LRRC37A2: variants seen among roughly 807,000 people sequenced by gnomAD.
LRRC37A2 encodes the protein leucine-rich repeat-containing protein 37A2.
A neutral mutation model predicts 68.8 loss-of-function variants in LRRC37A2; 9 were observed. That is an observed-to-expected ratio of 0.13 (90% CI 0.08 to 0.23). The LOEUF (loss-of-function observed/expected upper bound fraction) is 0.23. Among genes scored for constraint, LRRC37A2 ranks in the 10% least tolerant of loss-of-function variants. The pLI is 1.00. For missense variants in LRRC37A2, 168 were observed against 950.4 expected (o/e 0.18, Z 10.82); for synonymous variants, 63 against 367.6 (o/e 0.17, Z 9.48).
chr17:46,520,780 G>C lies in LRRC37A2; in HGVS notation c.2753+497G>C, dbSNP rs1222864698. On this transcript the variant is annotated intron_variant, in intron 4 of 14. Transcript: ENST00000576629. ...CACCAAAAAAAATTTCAAAAAGTTG[G>C]TTTAGTAGGATGAAAGGAACTAAAG... 1.6e-4 allele frequency among the ~76,000 whole-genome samples: 7 copies of C among 43,772 alleles called. 2 individuals are homozygous for C. In the East Asian group the frequency reaches 2.3e-3, roughly 14 times the overall value. 28.7% of individuals were successfully genotyped at this position (43,772 alleles called of 152,430 possible). A position where few individuals can be genotyped will look rare whatever the true frequency, so the allele number is the denominator to read the frequency against.
the LRRC37A2 span, among the ~76,000 whole-genome samples, chr17:46,944,111 C>G: frequency 2.2e-4 from 33 of 152,182 alleles, no homozygotes; most frequent in Non-Finnish European, 4.0e-4. Flanking sequence ...GGGAAGTATT[C>G]CAACCTCCTC....
chr17:46,989,849 C>T, the LRRC37A2 span, among the ~76,000 whole-genome samples: 135 of 152,360 alleles, frequency 8.9e-4, no homozygotes, highest in African/African-American at 3.1e-3. Context: ...CAGCCATCCT[C>T]GCCACGGTGC....
chr17:47,020,807 TAGG>T, the LRRC37A2 span, among the ~76,000 whole-genome samples: 3 of 59,156 alleles, frequency 5.1e-5, no homozygotes, highest in Non-Finnish European at 9.9e-5. Flanking sequence ...AAAAAAAAAA[TAGG>T]AGGGAAGAAA....
chr17:46,876,255 G>A, the LRRC37A2 span: 7 of 1,607,880 alleles, frequency 4.4e-6, no homozygotes, highest in African/African-American at 9.4e-5. Context: ...GCTGTGAAGA[G>A]TGGCCTCAGG....
chr17:46,786,941 C>CT, the LRRC37A2 span, among the ~76,000 whole-genome samples: 5,737 of 142,614 alleles, frequency 0.04, 362 homozygotes, highest in African/African-American at 0.14. Flanking sequence ...TTTCTTTTTT[C>CT]TTTTTTTTTT....
chr17:46,743,011 TTGC>T, the LRRC37A2 span, among the ~76,000 whole-genome samples: 1 of 152,280 alleles, frequency 6.6e-6, no homozygotes, highest in African/African-American at 2.4e-5. Context: ...TCCTCAGAAG[TTGC>T]TGCCTCTCCC....
chr17:46,922,981 C>A, the LRRC37A2 span: 11 of 608,456 alleles, frequency 1.8e-5, no homozygotes, highest in Non-Finnish European at 2.9e-5. Context: ...TGAAGCCGAG[C>A]CTGTGACTAC....
chr17:46,811,761 C>A, the LRRC37A2 span, among the ~76,000 whole-genome samples: 1 of 152,164 alleles, frequency 6.6e-6, no homozygotes, highest in Non-Finnish European at 1.5e-5. Context: ...TCGAGACCAG[C>A]CTGGCCAACA....
the LRRC37A2 span, chr17:46,966,872 G>T: frequency 4.9e-6 from 2 of 405,920 alleles, no homozygotes; most frequent in African/African-American, 4.1e-5. Context: ...TCTCTAAATG[G>T]CCATTATGCT....
chr17:46,953,072 GT>G, the LRRC37A2 span, among the ~76,000 whole-genome samples: 1 of 151,706 alleles, frequency 6.6e-6, no homozygotes, highest in Non-Finnish European at 1.5e-5. Context: ...TTTTACGTAA[GT>G]TTTAGGGTAC....
the LRRC37A2 span, among the ~76,000 whole-genome samples, chr17:46,765,508 G>C: frequency 6.6e-6 from 1 of 152,254 alleles, no homozygotes; most frequent in Non-Finnish European, 1.5e-5. Context: ...TCTCCTCACC[G>C]TGTGGAGGGC....
the LRRC37A2 span, among the ~76,000 whole-genome samples, chr17:46,621,323 G>A: frequency 1.4e-5 from 2 of 138,536 alleles, no homozygotes; most frequent in Non-Finnish European, 3.2e-5. Flanking sequence ...GTCTCGCTCT[G>A]TTGCCCAGAC....
the LRRC37A2 span, chr17:46,768,531 G>T: frequency 6.2e-7 from 1 of 1,614,194 alleles, no homozygotes; most frequent in Non-Finnish European, 8.5e-7. This position sits in a 1 kb window ranked among gnomAD's most constrained non-coding sequence, Gnocchi z 5.0. Context: ...CTCTGGGTTG[G>T]GCTCACAAAA....
chr17:46,763,452 G>A, the LRRC37A2 span: 1 of 152,364 alleles, frequency 6.6e-6, no homozygotes, highest in South Asian at 2.1e-4. Context: ...ATGCAGGTGA[G>A]GGAGGAAGAG....
At chr17:46,829,185 T>A in the LRRC37A2 span, among the ~76,000 whole-genome samples, 24 of 152,154 alleles carry the variant, frequency 1.6e-4, no homozygotes, top group Admixed American at 1.4e-3. Flanking sequence ...TTTTTTTTTT[T>A]AGACAGAGTT....
chr17:46,882,422 T>C, the LRRC37A2 span, among the ~76,000 whole-genome samples: 2 of 152,192 alleles, frequency 1.3e-5, no homozygotes, highest in Non-Finnish European at 2.9e-5. Flanking sequence ...TTGGGTGATG[T>C]GTATCCTATT....
At chr17:46,931,326 A>T in the LRRC37A2 span, 1 of 707,838 alleles carries the variant, frequency 1.4e-6, no homozygotes, top group East Asian at 2.6e-5. Context: ...AACTATGACT[A>T]TGCAAAGAAA....
the LRRC37A2 span, chr17:47,017,765 T>C: frequency 1.2e-6 from 2 of 1,610,626 alleles, no homozygotes; most frequent in Non-Finnish European, 1.7e-6. Context: ...ATACACCGTA[T>C]CCCGGTAGCC....
chr17:46,844,531 A>G, the LRRC37A2 span, among the ~76,000 whole-genome samples: 60,369 of 151,854 alleles, frequency 0.4, 13,816 homozygotes, highest in East Asian at 0.88. Context: ...TGATAATATG[A>G]CCTGGAGGAA....
Sources: allele counts gnomAD v4.1 joint callset (sites outside exome capture counted in the v4.1 genomes callset), GRCh38; gene constraint gnomAD v4.1.1; non-coding constraint Gnocchi (gnomAD v3.1); transcripts MANE v1.5; gene names NCBI Gene and HGNC (gene_info 2026-07-23, HGNC 2026-07-21).